CPS1: variants seen among roughly 807,000 people sequenced by gnomAD.
CPS1 encodes carbamoyl-phosphate synthase [ammonia], mitochondrial.
A neutral mutation model predicts 174.6 loss-of-function variants in CPS1; 109 were observed. The observed-to-expected ratio is 0.62, with a 90% CI of 0.53 to 0.73. CPS1 has a LOEUF of 0.73. Among genes scored for constraint, CPS1 ranks in the 30% least tolerant of loss-of-function variants. CPS1 has a pLI of 0.00. For missense variants in CPS1, 1,689 were observed against 1,821.9 expected (o/e 0.93, Z 1.33); for synonymous variants, 637 against 632.0 (o/e 1.01, Z -0.12).
At chr2:210,633,474 C>T (rs2105890246) in intron 21 of CPS1, among the ~76,000 whole-genome samples, 1 of 152,196 alleles carries the variant, frequency 6.6e-6, no homozygotes, top group South Asian at 2.1e-4. Context: ...GAGATGTCTA[C>T]ATACATTCTG....
chr2:210,577,292 C>CTTT, intron 3 of CPS1, 129 bp from the exon 4 acceptor site: 1 of 717,236 alleles, frequency 1.4e-6, no homozygotes, highest in African/African-American at 1.8e-5. Flanking sequence ...TTTTTTGCCT[C>CTTT]TTGTTTTTAA....
intron 2 of CPS1, 106 bp downstream of exon 2, chr2:210,573,513 GT>G: frequency 2.2e-6 from 2 of 895,434 alleles, no homozygotes; most frequent in Non-Finnish European, 3.7e-6. Context: ...GTAAGACTAC[GT>G]ATTGTCCTGA....
intron 25 of CPS1, among the ~76,000 whole-genome samples, chr2:210,643,608 A>G (rs994324012): frequency 3.9e-5 from 6 of 152,130 alleles, no homozygotes; most frequent in African/African-American, 9.6e-5. Flanking sequence ...TGAAGTTAAC[A>G]TAGAGTTTAT....
chr2:210,667,559 A>G (rs1465338211), intron 33 of CPS1, among the ~76,000 whole-genome samples: 2 of 152,190 alleles, frequency 1.3e-5, no homozygotes, highest in African/African-American at 4.8e-5. Context: ...TTTTTTCCCC[A>G]TATGGCTGTG....
At chr2:210,477,789 C>A in intron 1 of CPS1, 2 of 1,613,018 alleles carry the variant, frequency 1.2e-6, no homozygotes, top group Non-Finnish European at 1.7e-6. Flanking sequence ...CTGGATATCT[C>A]TCATGTTTTA....
chr2:210,668,272 G>C lies in CPS1; in HGVS notation c.4089G>C (p.Leu1363=), dbSNP rs368890059. 5 of 1,612,894 alleles carry C rather than the reference G, an allele frequency of 3.1e-6. 1 individual carries two copies. The South Asian group carries it at 5.5e-5, about 18-fold the overall frequency. ...TGFKIPQKGI[L]IGIQQSFRPR... is the part of the protein sequence containing the mutation. ...TTAAGATACCCCAGAAAGGCATCCT[G>C]ATAGGCATCCAGGTAAGTGGTTTGT... is the stretch of plus-strand genomic sequence containing the variant. The change falls in exon 34 of 38, where the codon CTG becomes CTC. Residue 1363 remains leucine, a synonymous_variant. Coordinates refer to ENST00000233072, the MANE Select transcript of CPS1 (RefSeq NM_001875.5).
chr2:210,623,900 A>C (rs978616043), intron 21 of CPS1, among the ~76,000 whole-genome samples: 1 of 152,096 alleles, frequency 6.6e-6, no homozygotes, highest in Non-Finnish European at 1.5e-5. Context: ...AGTGTCACCT[A>C]AGAGTTGTTG....
chr2:210,591,161 C>A (rs1206028004), intron 9 of CPS1, among the ~76,000 whole-genome samples: 1 of 151,856 alleles, frequency 6.6e-6, no homozygotes, highest in Admixed American at 6.6e-5. Context: ...TGGAAAGCAG[C>A]CTTCTCTAAT....
At position 210,577,595 on chromosome 2, in the gene CPS1, G is replaced by T. The variant is rs995762573; in HGVS notation, c.471+85G>T. The stretch of plus-strand genomic sequence containing the variant: ...ATTCAGAAGTGCCAAGCAGACAGAG[G>T]AAGATCATGTAGTTTGGGATCTTTG... On this transcript the variant is annotated intron_variant, in intron 4 of 37. Coordinates refer to ENST00000233072, the MANE Select transcript of CPS1 (RefSeq NM_001875.5). The T allele has an allele frequency of 9.3e-6, 9 of 971,960 alleles. No individual in the cohort carries two copies. The African/African-American group carries it at 1.4e-4, about 16-fold the overall frequency. 60.2% of individuals were successfully genotyped at this position (971,960 alleles called of 1,614,324 possible). A position where few individuals can be genotyped will look rare whatever the true frequency, so the allele number is the denominator to read the frequency against.
At chr2:210,657,310 CTTTTTTTTT>C (rs555740700) in intron 30 of CPS1, 6 of 140,576 alleles carry the variant, frequency 4.3e-5, no homozygotes, top group African/African-American at 1.6e-4. Context: ...AACCTATCAT[CTTTTTTTTT>C]TTTTTTTTGG....
At chr2:210,582,487 C>T in intron 5 of CPS1, 130 bp from the exon 6 acceptor site, 2 of 734,104 alleles carry the variant, frequency 2.7e-6, no homozygotes, top group Non-Finnish European at 4.9e-6. Context: ...TGAAGATCTT[C>T]CATGATGGTT....
At chr2:210,655,615 C>G (rs918373783) in intron 29 of CPS1, among the ~76,000 whole-genome samples, 1 of 152,086 alleles carries the variant, frequency 6.6e-6, no homozygotes, top group Non-Finnish European at 1.5e-5. Flanking sequence ...TGAGCTCTTA[C>G]TTATATGTGG....
At chr2:210,485,525 A>G (rs1307093397) in intron 1 of CPS1, among the ~76,000 whole-genome samples, 1 of 152,212 alleles carries the variant, frequency 6.6e-6, no homozygotes, top group African/African-American at 2.4e-5. Flanking sequence ...TTGAATAAGT[A>G]GAATTTTATA....
chr2:210,637,672 C>G, intron 21 of CPS1, 30 bp from the exon 22 acceptor site: 1 of 1,613,124 alleles, frequency 6.2e-7, no homozygotes, highest in Non-Finnish European at 8.5e-7. Flanking sequence ...TTGGTCTAAA[C>G]TTGAATCTCT....
chr2:210,657,983 T>C (rs1402526891), intron 30 of CPS1, among the ~76,000 whole-genome samples: 1 of 152,188 alleles, frequency 6.6e-6, no homozygotes, highest in Non-Finnish European at 1.5e-5. Context: ...CTTGTGAGCA[T>C]AATGAGTGAG....
Position 210,590,222 on chromosome 2 carries a change from G to T in CPS1, c.828G>T (p.Gln276His), listed in dbSNP as rs552617377. 1 of 1,612,734 alleles carries T rather than the reference G, an allele frequency of 6.2e-7. No homozygotes were observed. The highest frequency in any genetic ancestry group is 2.2e-5 in the East Asian group (1 of 44,830). Residue 276 changes from glutamine to histidine, a missense_variant, in exon 8 of 38, where the codon CAG (glutamine) becomes CAT (histidine). Coordinates refer to ENST00000233072, the MANE Select transcript of CPS1 (RefSeq NM_001875.5). The stretch of plus-strand genomic sequence containing the variant: ...CAGCTCTTGCAGAACCACTAATTCA[G>T]AATGTCAGAAAGGTGCAATGAACCT... ...GNPALAEPLIQNVRKILESDR... is the reference protein window; with the variant it reads ...GNPALAEPLIHNVRKILESDR...
At chr2:210,616,394 A>G (rs1432865888) in intron 20 of CPS1, 29 bp from the exon 21 acceptor site, 2 of 1,486,332 alleles carry the variant, frequency 1.3e-6, no homozygotes, top group Admixed American at 1.7e-5. Context: ...AATGTTTGCC[A>G]AAGAAAGTAT....
At chr2:210,632,434 T>A (rs1699897869) in intron 21 of CPS1, among the ~76,000 whole-genome samples, 1 of 152,188 alleles carries the variant, frequency 6.6e-6, no homozygotes, top group Non-Finnish European at 1.5e-5. Flanking sequence ...TTTCTTTGAT[T>A]ATAATGGGAC....
At chr2:210,480,701 T>C (rs1694544155) in intron 1 of CPS1, among the ~76,000 whole-genome samples, 1 of 152,120 alleles carries the variant, frequency 6.6e-6, no homozygotes, top group African/African-American at 2.4e-5. Flanking sequence ...ATCAAGCAAA[T>C]GGTTTTTACT....
Sources: allele counts gnomAD v4.1 joint callset (sites outside exome capture counted in the v4.1 genomes callset), GRCh38; gene constraint gnomAD v4.1.1; transcripts MANE v1.5; gene names NCBI Gene and HGNC (gene_info 2026-07-23, HGNC 2026-07-21).